GPLD1: variants seen among roughly 807,000 people sequenced by gnomAD.
GPLD1 encodes phosphatidylinositol-glycan-specific phospholipase D.
Under a neutral mutation model 112.6 loss-of-function variants are expected in GPLD1, and 84 were observed. The observed-to-expected ratio is 0.75, with a 90% CI of 0.63 to 0.89. The LOEUF (loss-of-function observed/expected upper bound fraction) is 0.89. Ranked by LOEUF, GPLD1 falls within the 40% of genes least tolerant of loss-of-function variation. The pLI is 0.00. For missense variants in GPLD1, 1,044 were observed against 1,051.5 expected (o/e 0.99, Z 0.10); for synonymous variants, 386 against 403.8 (o/e 0.96, Z 0.53).
intron 7 of GPLD1, among the ~76,000 whole-genome samples, chr6:24,472,212 G>A (rs143630559): frequency 1.3e-5 from 2 of 152,190 alleles, no homozygotes; most frequent in Non-Finnish European, 2.9e-5. Context: ...TTAGCAATCT[G>A]GGAAATTCAA....
At chr6:24,474,351 G>A (rs1207130007) in intron 5 of GPLD1, among the ~76,000 whole-genome samples, 1 of 152,094 alleles carries the variant, frequency 6.6e-6, no homozygotes, top group Non-Finnish European at 1.5e-5. Flanking sequence ...GGACCAGGGG[G>A]CCTTCCAGAG....
rs1729634473 is a variant in GPLD1, at chr6:24,489,442, A to G, written c.70T>C (p.Cys24Arg). ...ATTTCTACGTGTGTTGAAAGGCCAC[A>G]CGGTGAACCTCTATGGCAGAGAGAA... ...LGSLCHRGSPCGLSTHVEIGH... is the reference protein window; with the variant it reads ...LGSLCHRGSPRGLSTHVEIGH... Residue 24 changes from cysteine to arginine, a missense_variant, in exon 1 of 25, where the codon TGT (cysteine) becomes CGT (arginine). Physicochemically the swap from Cys to Arg is radical, Grantham distance 180 (BLOSUM62 -3). Coordinates refer to ENST00000230036, the MANE Select transcript of GPLD1 (RefSeq NM_001503.4). 6.2e-7 allele frequency: 1 copy of G among 1,613,520 alleles called. No homozygotes were observed. The highest frequency in any genetic ancestry group is 8.5e-7 in the Non-Finnish European group (1 of 1,179,438).
chr6:24,481,359 T>TA (rs1764197697), intron 2 of GPLD1, among the ~76,000 whole-genome samples: 1 of 147,414 alleles, frequency 6.8e-6, no homozygotes, highest in East Asian at 2.0e-4. Flanking sequence ...TTTTTTTTTT[T>TA]AAATAAGAAC....
At chr6:24,442,929 G>A (rs1335572067) in intron 20 of GPLD1, among the ~76,000 whole-genome samples, 1 of 152,094 alleles carries the variant, frequency 6.6e-6, no homozygotes, top group Non-Finnish European at 1.5e-5. Context: ...TATCAAGAGA[G>A]TAAGGGCACC....
intron 15 of GPLD1, 82 bp from the exon 16 acceptor site, chr6:24,448,290 G>T: frequency 1.1e-6 from 1 of 946,870 alleles, no homozygotes; most frequent in Non-Finnish European, 1.7e-6. Context: ...AAAAAGGACT[G>T]ACTCTGGGTC....
At chr6:24,425,819 C>G (rs1201967922), downstream of GPLD1, 1 of 152,188 alleles carries the variant, frequency 6.6e-6, no homozygotes, top group African/African-American at 2.4e-5. Flanking sequence ...GACTGTTAAG[C>G]AGCACTAACC....
intron 2 of GPLD1, 75 bp downstream of exon 2, chr6:24,485,998 ATC>A (rs1764361434): frequency 5.8e-6 from 5 of 859,638 alleles, no homozygotes. Context: ...CTGTTTAAAT[ATC>A]TGTTAGGATC....
chr6:24,462,701 T>C (rs751555762), intron 11 of GPLD1, 29 bp downstream of exon 11: 2 of 1,511,140 alleles, frequency 1.3e-6, no homozygotes, highest in South Asian at 2.2e-5. Context: ...GATGTACTTT[T>C]TCTATGAACA....
chr6:24,477,710 A>G (rs1411060736), intron 3 of GPLD1, among the ~76,000 whole-genome samples: 1 of 152,116 alleles, frequency 6.6e-6, no homozygotes, highest in African/African-American at 2.4e-5. Flanking sequence ...AGCCTGGGCA[A>G]CAGAGCAAGA....
In GPLD1 at chr6:24,457,017, C is replaced by T. The variant is rs150097895; in HGVS notation, c.1009-380G>A. Among the ~76,000 whole-genome samples, 1,230 of 152,246 alleles carry T rather than the reference C, an allele frequency of 8.1e-3. 18 individuals carry two copies. The highest frequency in any genetic ancestry group is 0.027 in the African/African-American group (1,127 of 41,546). On this transcript the variant is annotated intron_variant, in intron 12 of 24. Transcript: ENST00000230036. ...TCCCTAGTAGCTGGGATTACAGGTGCTCGCCACCACACCCAGCTAATTTTT... is the reference window on the plus strand; with the variant it reads ...TCCCTAGTAGCTGGGATTACAGGTGTTCGCCACCACACCCAGCTAATTTTT...
intron 14 of GPLD1, 53 bp from the exon 15 acceptor site, chr6:24,449,952 G>C: frequency 7.7e-7 from 1 of 1,292,992 alleles, no homozygotes; most frequent in Non-Finnish European, 1.1e-6. Context: ...CTCGGAAAGA[G>C]CACTCCTGAC....
In GPLD1 at chr6:24,449,849, G is replaced by A. The variant is rs1062506; in HGVS notation, c.1386C>T (p.Asp462=). 6.2e-6 allele frequency: 10 copies of A among 1,613,746 alleles called. No homozygotes were observed. Among genetic ancestry groups the A allele is most frequent in the East Asian group, 2.2e-5 (1 of 44,868 alleles). The stretch of plus-strand genomic sequence containing the variant: ...CTCCCACGGCCAGGTCAGGCACGCC[G>A]TCCACGTTAAAGTCCAACACAGCCA... The part of the protein sequence containing the change: ...SALAVLDFNV[D]GVPDLAVGAP... The change falls in exon 15 of 25, where the codon GAC becomes GAT. Residue 462 remains aspartate (D), a synonymous_variant. Transcript: ENST00000230036.
At chr6:24,457,130 C>T (rs62400468) in intron 12 of GPLD1, among the ~76,000 whole-genome samples, 28,800 of 152,184 alleles carry the variant, frequency 0.19, 3,325 homozygotes, top group Non-Finnish European at 0.26. Flanking sequence ...TCGGCTCCCC[C>T]AAAGTGCTGG....
chr6:24,486,155 A>C, intron 1 of GPLD1, 25 bp from the exon 2 acceptor site: 1 of 1,360,988 alleles, frequency 7.3e-7, no homozygotes, highest in Non-Finnish European at 1.0e-6. Flanking sequence ...TACATAAATC[A>C]ATTAAGTTCA....
intron 1 of GPLD1, chr6:24,494,807 G>C: frequency 6.8e-6 from 4 of 592,054 alleles, no homozygotes; most frequent in African/African-American, 1.9e-5. Context: ...TGCAGAGGGC[G>C]GCGCGGCGGT....
Position 24,456,636 on chromosome 6 carries a change from T to A in GPLD1, c.1010A>T (p.Asp337Val), listed in dbSNP as rs1561842028. 1 of 1,590,748 alleles carries A rather than the reference T, an allele frequency of 6.3e-7. No homozygotes were observed. Among genetic ancestry groups the A allele is most frequent in the Non-Finnish European group, 8.6e-7 (1 of 1,164,660 alleles). The change falls in exon 13 of 25, where the codon GAT (aspartate) becomes GTT (valine). Residue 337 changes from aspartate to valine, a missense_variant and splice_region_variant. Physicochemically the swap from Asp to Val is radical, Grantham distance 152. Transcript: ENST00000230036. Reference protein sequence around the residue: ...VFFSVNSWTPDSMSFIYKALE... With the variant: ...VFFSVNSWTPVSMSFIYKALE... ...AGCCTTGTAGATAAAGGACATGGAA[T>A]CCTGAAATAAAAGAATCATTATAGA... is the stretch of plus-strand genomic sequence containing the variant.
At chr6:24,475,035 C>G (rs116747696) in intron 5 of GPLD1, 86 bp downstream of exon 5, 8,021 of 735,610 alleles carry the variant, frequency 0.011, 78 homozygotes, top group Middle Eastern at 0.019. Context: ...CTAACATTTT[C>G]CTTTCTTTTA....
chr6:24,440,777 T>C (rs1205841578), intron 20 of GPLD1, among the ~76,000 whole-genome samples: 2 of 151,858 alleles, frequency 1.3e-5, no homozygotes, highest in South Asian at 2.1e-4. Flanking sequence ...ATATATTTCT[T>C]TCTGGAAAGT....
chr6:24,466,824 G>T lies in GPLD1; in HGVS notation c.682-5C>A. The T allele has an allele frequency of 1.9e-6, 3 of 1,594,338 alleles. No individual in the cohort carries two copies. The highest frequency in any genetic ancestry group is 2.6e-6 in the Non-Finnish European group (3 of 1,166,886). ...TGTAGAGTAAGTGGGATATAACTAT[G>T]GCAGAGAGAAAGAAAAAATAAAATG... On this transcript the variant is annotated splice_region_variant and splice_polypyrimidine_tract_variant and intron_variant, in intron 9 of 24. Coordinates refer to ENST00000230036, the MANE Select transcript of GPLD1 (RefSeq NM_001503.4).
Sources: allele counts gnomAD v4.1 joint callset (sites outside exome capture counted in the v4.1 genomes callset), GRCh38; gene constraint gnomAD v4.1.1; transcripts MANE v1.5; gene names NCBI Gene and HGNC (gene_info 2026-07-23, HGNC 2026-07-21).